The following RARB variants were observed in gnomAD, a reference collection of about 807,000 sequenced individuals.
RARB encodes HBV-activated protein.
RARB carries 17 observed loss-of-function variants against 51.9 expected under a neutral mutation model. That is an observed-to-expected ratio of 0.33 (90% CI 0.22 to 0.49). RARB has a LOEUF of 0.49. Ranked by LOEUF, RARB falls within the 20% of genes least tolerant of loss-of-function variation. The pLI, the probability that RARB is intolerant of heterozygous loss-of-function variation, is 0.99. For missense variants in RARB, 369 were observed against 550.8 expected (o/e 0.67, Z 3.30); for synonymous variants, 215 against 195.4 (o/e 1.10, Z -0.84).
intron 5 of RARB, among the ~76,000 whole-genome samples, chr3:25,231,375 A>G (rs766512188): frequency 3.9e-5 from 6 of 152,168 alleles, no homozygotes; most frequent in Admixed American, 3.3e-4. Flanking sequence ...GCACCAAGAC[A>G]AGGTACCTGT....
At chr3:25,303,056 T>C (rs953328734) in intron 5 of RARB, among the ~76,000 whole-genome samples, 1 of 152,244 alleles carries the variant, frequency 6.6e-6, no homozygotes, top group African/African-American at 2.4e-5. Flanking sequence ...TGACCCTTGA[T>C]GGCCATCAGA....
intron 5 of RARB, among the ~76,000 whole-genome samples, chr3:25,341,923 T>G (rs1265844424): frequency 6.6e-6 from 1 of 152,210 alleles, no homozygotes; most frequent in East Asian, 1.9e-4. Context: ...GTTCTTTCCC[T>G]ACATAGCATG....
At chr3:25,401,933 A>G (rs1451033076) in intron 5 of RARB, among the ~76,000 whole-genome samples, 1 of 151,998 alleles carries the variant, frequency 6.6e-6, no homozygotes, top group Non-Finnish European at 1.5e-5. Context: ...TGCGCCACCA[A>G]GCTTGGCTAA....
intron 5 of RARB, among the ~76,000 whole-genome samples, chr3:25,238,510 T>C (rs911167346): frequency 1.3e-5 from 2 of 152,300 alleles, no homozygotes; most frequent in East Asian, 3.9e-4. Context: ...GTTTTTTCCC[T>C]TGCGTAAATA....
At chr3:25,311,202 G>T (rs1259335890) in intron 5 of RARB, among the ~76,000 whole-genome samples, 1 of 152,200 alleles carries the variant, frequency 6.6e-6, no homozygotes, top group East Asian at 1.9e-4. Context: ...ATATCAGACA[G>T]GACAACCACC....
At chr3:24,857,021 C>G (rs1225543597) in intron 1 of RARB, among the ~76,000 whole-genome samples, 1 of 152,150 alleles carries the variant, frequency 6.6e-6, no homozygotes, top group Non-Finnish European at 1.5e-5. Flanking sequence ...CCTGATAGTT[C>G]ACGTTGTGGT....
At chr3:25,357,786 T>C (rs1159191218) in intron 5 of RARB, among the ~76,000 whole-genome samples, 1 of 152,190 alleles carries the variant, frequency 6.6e-6, no homozygotes, top group Non-Finnish European at 1.5e-5. Context: ...CCCCATTTCT[T>C]GTTTTTGTCC....
At chr3:25,139,385 T>C (rs1700077067) in intron 4 of RARB, among the ~76,000 whole-genome samples, 1 of 152,098 alleles carries the variant, frequency 6.6e-6, no homozygotes, top group African/African-American at 2.4e-5. Context: ...CTAACAATAA[T>C]AAAATGAAAC....
At chr3:25,256,760 A>G (rs1575262906) in intron 5 of RARB, among the ~76,000 whole-genome samples, 5 of 152,244 alleles carry the variant, frequency 3.3e-5, no homozygotes, top group African/African-American at 1.2e-4. Context: ...CTACATATAG[A>G]GTTCTTTGGC....
chr3:25,331,239 A>G (rs545647994), intron 5 of RARB, among the ~76,000 whole-genome samples: 8 of 152,320 alleles, frequency 5.3e-5, no homozygotes, highest in East Asian at 1.9e-4. Flanking sequence ...TCAGCACCAC[A>G]TCGCACTTAT....
At chr3:24,855,808 G>A (rs1024194187) in intron 1 of RARB, among the ~76,000 whole-genome samples, 3 of 140,960 alleles carry the variant, frequency 2.1e-5, no homozygotes, top group African/African-American at 8.2e-5. Context: ...ATGGAGTGCA[G>A]TGGCACGATC....
intron 2 of RARB, among the ~76,000 whole-genome samples, chr3:25,008,005 A>G: frequency 6.6e-6 from 1 of 152,146 alleles, no homozygotes; most frequent in East Asian, 1.9e-4. Context: ...AAGAAAAGGT[A>G]TGTGTAAGGT....
chr3:25,006,181 T>C (rs1434055711), intron 2 of RARB, among the ~76,000 whole-genome samples: 1 of 152,164 alleles, frequency 6.6e-6, no homozygotes, highest in African/African-American at 2.4e-5. Flanking sequence ...TCTCTCTCCC[T>C]TTACATTGCT....
In RARB at chr3:25,484,642, C is replaced by A. The variant is rs116044095; in HGVS notation, c.307-16540C>A. 2.5e-3 allele frequency among the ~76,000 whole-genome samples: 384 copies of A among 151,512 alleles called. 1 individual carries two copies. The highest frequency in any genetic ancestry group is 8.8e-3 in the African/African-American group (365 of 41,272). On this transcript the variant is annotated intron_variant, in intron 2 of 7. Coordinates refer to ENST00000330688, the MANE Select transcript of RARB (RefSeq NM_000965.5). ...TCAATTTCAGTGTTTATAAAGTTTT[C>A]TTGGTACACAGCCAATCCATTCATT... is the stretch of plus-strand genomic sequence containing the variant.
chr3:25,246,886 G>C (rs1192629931), intron 5 of RARB, among the ~76,000 whole-genome samples: 1 of 152,198 alleles, frequency 6.6e-6, no homozygotes, highest in Non-Finnish European at 1.5e-5. Flanking sequence ...CAGCCAGCAA[G>C]CAGAAACGTT....
At chr3:24,998,852 T>G (rs1455076971) in intron 2 of RARB, among the ~76,000 whole-genome samples, 1 of 152,144 alleles carries the variant, frequency 6.6e-6, no homozygotes, top group East Asian at 1.9e-4. Flanking sequence ...TTATAACATA[T>G]TCTTAGATAT....
At chr3:25,133,392 C>A (rs1699982843) in intron 4 of RARB, among the ~76,000 whole-genome samples, 1 of 151,956 alleles carries the variant, frequency 6.6e-6, no homozygotes, top group African/African-American at 2.4e-5. Flanking sequence ...CCTATGATAT[C>A]CACTCTGCAA....
intron 2 of RARB, among the ~76,000 whole-genome samples, chr3:24,969,790 T>G (rs1325762049): frequency 2.0e-5 from 3 of 152,112 alleles, no homozygotes; most frequent in African/African-American, 7.2e-5. Flanking sequence ...GTGGAGAAGA[T>G]GTTTCCTCAG....
At chr3:25,010,421 C>A (rs1221730523) in intron 2 of RARB, among the ~76,000 whole-genome samples, 1 of 152,018 alleles carries the variant, frequency 6.6e-6, no homozygotes, top group African/African-American at 2.4e-5. Flanking sequence ...TTAAAATGAT[C>A]CTAATATGTA....
Sources: allele counts gnomAD v4.1 joint callset (sites outside exome capture counted in the v4.1 genomes callset), GRCh38; gene constraint gnomAD v4.1.1; transcripts MANE v1.5; gene names NCBI Gene and HGNC (gene_info 2026-07-23, HGNC 2026-07-21).